Variants in EMCN observed in about 807,000 individuals in gnomAD.
EMCN encodes endomucin.
In EMCN, 37 loss-of-function variants were observed where a neutral mutation model predicts 38.4. The ratio of observed to expected loss-of-function variants is 0.96; its 90% CI spans 0.74 to 1.27. The LOEUF is 1.27. Ranked by LOEUF, EMCN falls within the 50% of genes most tolerant of loss-of-function variation. EMCN has a pLI of 0.00. For synonymous variants in EMCN, 95 were observed against 100.8 expected, an observed-to-expected ratio of 0.94 and a Z score of 0.35; for missense variants, 318 against 302.8, an observed-to-expected ratio of 1.05 and a Z score of -0.37.
chr4:100,482,591 G>A (rs1051403098), intron 1 of EMCN, among the ~76,000 whole-genome samples: 4 of 152,100 alleles, frequency 2.6e-5, no homozygotes, highest in Non-Finnish European at 5.9e-5. Context: ...GTTCTGTCTA[G>A]CTGGATTGCA....
chr4:100,397,278 A>G lies in EMCN; in HGVS notation c.*1135T>C, dbSNP rs1227929566. 6.6e-6 allele frequency: 1 copy of G among 152,104 alleles called. No individual in the cohort carries two copies. Among genetic ancestry groups the G allele is most frequent in the Admixed American group, 6.6e-5 (1 of 15,258 alleles). The allele number at this position is 152,104 out of a possible 1,614,324, so 9.4% of individuals were successfully genotyped here. A position where few individuals can be genotyped will look rare whatever the true frequency, so the allele number is the denominator to read the frequency against. On this transcript the variant is annotated 3_prime_UTR_variant, in exon 12 of 12. Coordinates refer to ENST00000296420, the MANE Select transcript of EMCN (RefSeq NM_016242.4). ...AAAGCTTTCCAAAAAACCTCAGCCA[A>G]CTTGACACTTTGATCTCACATGTCA...
intron 10 of EMCN, among the ~76,000 whole-genome samples, chr4:100,415,530 G>A (rs1289647436): frequency 6.6e-6 from 1 of 151,682 alleles, no homozygotes; most frequent in Non-Finnish European, 1.5e-5. Context: ...CAGTTTTTTT[G>A]CCTTTTTGAC....
intron 5 of EMCN, among the ~76,000 whole-genome samples, chr4:100,436,466 A>C (rs750358676): frequency 7.2e-5 from 11 of 152,290 alleles, no homozygotes; most frequent in Middle Eastern, 3.4e-3. Context: ...TTCCTCAAAG[A>C]CCTAGAGGCA....
intron 5 of EMCN, among the ~76,000 whole-genome samples, chr4:100,439,863 T>G (rs1367017363): frequency 6.6e-6 from 1 of 152,114 alleles, no homozygotes; most frequent in African/African-American, 2.4e-5. Flanking sequence ...TTTTAATTTC[T>G]CTTTTTATTT....
intron 1 of EMCN, among the ~76,000 whole-genome samples, chr4:100,499,433 T>C (rs140301356): frequency 1.3e-5 from 2 of 152,380 alleles, no homozygotes; most frequent in African/African-American, 4.8e-5. Flanking sequence ...ATGGCTTTGC[T>C]CATAAGTGCT....
chr4:100,469,398 C>T (rs1728411259), intron 3 of EMCN, among the ~76,000 whole-genome samples: 1 of 152,048 alleles, frequency 6.6e-6, no homozygotes, highest in Non-Finnish European at 1.5e-5. Context: ...ACATCAAAAG[C>T]TCAGCTACAA....
intron 1 of EMCN, among the ~76,000 whole-genome samples, chr4:100,494,597 A>G (rs1334941143): frequency 1.3e-5 from 2 of 152,144 alleles, no homozygotes; most frequent in Admixed American, 6.5e-5. Flanking sequence ...AAACCACTCC[A>G]GAATCCCTTC....
rs1057136549 is a variant in EMCN, at chr4:100,398,325, A to C, written c.*88T>G. ...GTATGGAAGTCGGGATTGATTCTGC[A>C]GGACTTTCTCCTTTTCCACGCTTGG... On this transcript the variant is annotated 3_prime_UTR_variant, in exon 12 of 12. Coordinates refer to ENST00000296420, the MANE Select transcript of EMCN (RefSeq NM_016242.4). 6.6e-6 allele frequency: 1 copy of C among 152,202 alleles called. No individual in the cohort carries two copies. The highest frequency in any genetic ancestry group is 1.5e-5 in the Non-Finnish European group (1 of 68,072). 9.4% of individuals were successfully genotyped at this position (152,202 alleles called of 1,614,324 possible).
chr4:100,453,429 C>G (rs1578203847), intron 4 of EMCN, among the ~76,000 whole-genome samples: 1 of 152,212 alleles, frequency 6.6e-6, no homozygotes, highest in African/African-American at 2.4e-5. Flanking sequence ...AATTGCTCAT[C>G]ATCACTGGCC....
At chr4:100,419,337 A>G (rs1726824386) in intron 8 of EMCN, among the ~76,000 whole-genome samples, 2 of 152,104 alleles carry the variant, frequency 1.3e-5, no homozygotes, top group Admixed American at 1.3e-4. Context: ...CAGGTATTTA[A>G]TGGTGCTAAT....
Position 100,396,012 on chromosome 4 carries a change from A to C in EMCN, c.*2401T>G, listed in dbSNP as rs1396528200. 1 of 152,204 alleles carries C rather than the reference A, an allele frequency of 6.6e-6. No homozygotes were observed. 9.4% of individuals were successfully genotyped at this position (152,204 alleles called of 1,614,324 possible). On this transcript the variant is annotated 3_prime_UTR_variant, in exon 12 of 12. Transcript: ENST00000296420. ...TGCAATGATGTTTGAACTGTGTATC[A>C]GAATAAAAAACTTACAGTAAGCCAG...
chr4:100,422,081 G>A (rs965182387), intron 7 of EMCN, among the ~76,000 whole-genome samples: 1 of 151,926 alleles, frequency 6.6e-6, no homozygotes, highest in African/African-American at 2.4e-5. Context: ...AGTGATAAAA[G>A]CAAGAGAGCT....
intron 1 of EMCN, among the ~76,000 whole-genome samples, chr4:100,517,592 T>G (rs1356459360): frequency 6.6e-6 from 1 of 152,116 alleles, no homozygotes; most frequent in African/African-American, 2.4e-5. Context: ...AAGAGGCCAT[T>G]GTATATTTCC....
chr4:100,429,536 T>C (rs1002454877), intron 5 of EMCN, among the ~76,000 whole-genome samples: 7 of 152,114 alleles, frequency 4.6e-5, no homozygotes, highest in Admixed American at 3.9e-4. Context: ...TGCACTCTTA[T>C]AGCAATGCAA....
chr4:100,453,525 G>A (rs1237134595), intron 4 of EMCN, among the ~76,000 whole-genome samples: 1 of 152,172 alleles, frequency 6.6e-6, no homozygotes, highest in East Asian at 1.9e-4. Flanking sequence ...GGAAACAACA[G>A]GTGCTGGAGA....
chr4:100,502,814 T>C (rs1437649717), intron 1 of EMCN, among the ~76,000 whole-genome samples: 2 of 152,194 alleles, frequency 1.3e-5, no homozygotes, highest in African/African-American at 2.4e-5. Flanking sequence ...CAGAAGTGTT[T>C]TTTCTGCTTC....
chr4:100,453,089 A>C (rs1465274422), intron 4 of EMCN, among the ~76,000 whole-genome samples: 1 of 152,224 alleles, frequency 6.6e-6, no homozygotes, highest in Admixed American at 6.5e-5. Flanking sequence ...AAGAAAACCT[A>C]GGCAATACCA....
chr4:100,473,676 A>G (rs1728557752), intron 3 of EMCN, among the ~76,000 whole-genome samples: 1 of 152,134 alleles, frequency 6.6e-6, no homozygotes, highest in Non-Finnish European at 1.5e-5. Flanking sequence ...GAGAGCAATC[A>G]TTGAAGCTGT....
chr4:100,498,093 C>T (rs760663856), intron 1 of EMCN, among the ~76,000 whole-genome samples: 4 of 151,512 alleles, frequency 2.6e-5, no homozygotes, highest in African/African-American at 7.3e-5. Context: ...GCAAAGTTGT[C>T]AAAGAAGAGA....
Sources: gnomAD v4.1 joint callset for allele counts (sites outside exome capture counted in the v4.1 genomes callset) on GRCh38, gnomAD v4.1.1 for gene constraint, MANE v1.5 for transcripts, NCBI Gene and HGNC (gene_info 2026-07-23, HGNC 2026-07-21) for gene names.